MON2: variants seen among roughly 807,000 people sequenced by gnomAD.
The protein encoded by MON2 is MON2 regulator of endosome-to-Golgi trafficking.
Under a neutral mutation model 208.6 loss-of-function variants are expected in MON2, and 84 were observed. The ratio of observed to expected loss-of-function variants is 0.40; its 90% CI spans 0.34 to 0.48. MON2 has a LOEUF of 0.48. Ranked by LOEUF, MON2 falls within the 20% of genes least tolerant of loss-of-function variation. The pLI, the probability that MON2 is intolerant of heterozygous loss-of-function variation, is 0.59. For synonymous variants in MON2, 660 were observed against 694.0 expected, an observed-to-expected ratio of 0.95 and a Z score of 0.77; for missense variants, 1,611 against 2,015.4, an observed-to-expected ratio of 0.80 and a Z score of 3.84.
At chr12:62,573,858 A>G (rs1565701738) in intron 30 of MON2, among the ~76,000 whole-genome samples, 1 of 152,200 alleles carries the variant, frequency 6.6e-6, no homozygotes, top group Non-Finnish European at 1.5e-5. Flanking sequence ...ATAATTTTGT[A>G]TCAATGCAGT....
Position 62,467,228 on chromosome 12 carries a change from C to G in MON2, c.21C>G (p.Pro7=), listed in dbSNP as rs760732298. 6.2e-7 allele frequency: 1 copy of G among 1,613,366 alleles called. No homozygotes were observed. The highest frequency in any genetic ancestry group is 8.5e-7 in the Non-Finnish European group (1 of 1,180,006). ...GGATCATGTCCGGCACCAGCAGCCC[C>G]GAGGCGGTGAAGAAGCTGCTGGAGA... MSGTSS[P]EAVKKLLENM... Residue 7 remains proline, a synonymous_variant, in exon 1 of 35, where the codon CCC becomes CCG. Coordinates refer to ENST00000393630, the MANE Select transcript of MON2 (RefSeq NM_015026.3).
rs2075473150 is a variant in MON2 at position 62,594,243 on chromosome 12, C to A, written c.*1494C>A. ...TAAATTTCAGCTTCTCCAGAATAATCATAAAACTGCAAAAAGATATTATAA... is the reference window on the plus strand; with the variant it reads ...TAAATTTCAGCTTCTCCAGAATAATAATAAAACTGCAAAAAGATATTATAA... On this transcript the variant is annotated 3_prime_UTR_variant, in exon 35 of 35. Transcript: ENST00000393630. 6.6e-6 allele frequency: 1 copy of A among 152,040 alleles called. No homozygotes were observed. Among genetic ancestry groups the A allele is most frequent in the Non-Finnish European group, 1.5e-5 (1 of 67,958 alleles). The allele number at this position is 152,040 out of a possible 1,614,324, so 9.4% of individuals were successfully genotyped here. A position where few individuals can be genotyped will look rare whatever the true frequency, so the allele number is the denominator to read the frequency against.
At chr12:62,583,670 C>T (rs2136469869) in intron 32 of MON2, among the ~76,000 whole-genome samples, 1 of 151,480 alleles carries the variant, frequency 6.6e-6, no homozygotes, top group Middle Eastern at 3.4e-3. Context: ...CATTGGAGGC[C>T]AGGCACAGTG....
chr12:62,480,400 C>CA (rs1456111034), intron 1 of MON2, among the ~76,000 whole-genome samples: 1 of 151,558 alleles, frequency 6.6e-6, no homozygotes, highest in East Asian at 1.9e-4. Context: ...CTCTACAAAA[C>CA]AAAAAACAAA....
chr12:62,471,567 A>G (rs930367451), intron 1 of MON2, among the ~76,000 whole-genome samples: 1 of 152,218 alleles, frequency 6.6e-6, no homozygotes, highest in Non-Finnish European at 1.5e-5. Flanking sequence ...TTGGCACTTA[A>G]GAGGGAAGTC....
At chr12:62,494,908 A>G (rs2070386951) in intron 3 of MON2, 108 bp from the exon 4 acceptor site, 1 of 717,946 alleles carries the variant, frequency 1.4e-6, no homozygotes, top group African/African-American at 1.8e-5. Flanking sequence ...TGTTATTGTG[A>G]TCAAGAAATC....
intron 8 of MON2, among the ~76,000 whole-genome samples, chr12:62,514,180 G>A (rs1161015051): frequency 2.0e-5 from 3 of 152,088 alleles, no homozygotes; most frequent in African/African-American, 7.2e-5. Flanking sequence ...CAGCATTTTG[G>A]TCAAAGCCAT....
chr12:62,549,890 A>G, intron 23 of MON2, 60 bp downstream of exon 23: 3 of 1,135,722 alleles, frequency 2.6e-6, no homozygotes, highest in South Asian at 4.5e-5. Context: ...TTCAGTTGGG[A>G]GTGAATGCTA....
Position 62,484,218 on chromosome 12 carries a change from AC to A in MON2, c.161del (p.Thr54MetfsTer7). The A allele has an allele frequency of 6.2e-7, 1 of 1,600,238 alleles. No homozygotes were observed. The highest frequency in any genetic ancestry group is 8.5e-7 in the Non-Finnish European group (1 of 1,174,218). The part of the protein sequence containing the change: ...IKVKTIAARN[T>X]EILAALKENS... ...AGTTAAAACAATTGCTGCACGAAAC[AC>A]TGAAATTTTGGCAGGTAATTTTTTG... On this transcript the variant is annotated frameshift_variant, in exon 2 of 35. Transcript: ENST00000393630. LOFTEE classifies it high-confidence loss of function.
rs568998940 is a variant in MON2 at position 62,570,946 on chromosome 12, G to A, written c.4324-446G>A. 5.6e-4 allele frequency among the ~76,000 whole-genome samples: 85 copies of A among 151,746 alleles called. 1 individual carries two copies. Among genetic ancestry groups the A allele is most frequent in the Non-Finnish European group, 1.0e-3 (68 of 67,926 alleles). On this transcript the variant is annotated intron_variant, in intron 29 of 34. Coordinates refer to ENST00000393630, the MANE Select transcript of MON2 (RefSeq NM_015026.3). ...GAGGTTTCACCATGTTGGCCCAGAT[G>A]GTCTTGATCTCTTGACCTCGTGATC...
chr12:62,496,429 TA>T (rs2070488653), intron 4 of MON2, among the ~76,000 whole-genome samples: 1 of 152,200 alleles, frequency 6.6e-6, no homozygotes, highest in African/African-American at 2.4e-5. Flanking sequence ...AATTGAGTAA[TA>T]TGAAGGCTTC....
intron 32 of MON2, among the ~76,000 whole-genome samples, chr12:62,585,065 G>GCACACA (rs57834850): frequency 2.7e-4 from 27 of 98,822 alleles, no homozygotes; most frequent in Non-Finnish European, 4.9e-4. Context: ...CTCTCTACAT[G>GCACACA]CACACACACA....
At chr12:62,587,765 G>A (rs769411273) in intron 33 of MON2, 8 of 213,012 alleles carry the variant, frequency 3.8e-5, no homozygotes, top group African/African-American at 1.4e-4. Context: ...AAAATAAAAC[G>A]TTTTAATTTT....
chr12:62,478,351 G>A (rs1202651176), intron 1 of MON2, among the ~76,000 whole-genome samples: 1 of 152,038 alleles, frequency 6.6e-6, no homozygotes, highest in Non-Finnish European at 1.5e-5. Context: ...AGTGTTACAG[G>A]TACAAGCCAT....
intron 25 of MON2, among the ~76,000 whole-genome samples, chr12:62,557,768 G>A (rs931561393): frequency 6.6e-6 from 1 of 150,608 alleles, no homozygotes; most frequent in Non-Finnish European, 1.5e-5. Context: ...GCATGTTAGG[G>A]CTTGGTATAT....
chr12:62,552,489 A>G (rs553039893), intron 23 of MON2, among the ~76,000 whole-genome samples: 55 of 152,282 alleles, frequency 3.6e-4, no homozygotes, highest in Non-Finnish European at 7.1e-4. Context: ...TTATTAAACA[A>G]TATTAAGGAA....
At chr12:62,583,960 C>CAAA (rs1301473051) in intron 32 of MON2, among the ~76,000 whole-genome samples, 6 of 55,956 alleles carry the variant, frequency 1.1e-4, no homozygotes, top group African/African-American at 2.7e-4. Flanking sequence ...GACCCTGTCT[C>CAAA]AAAAAAAAAA....
intron 34 of MON2, chr12:62,588,960 G>T: frequency 1.6e-6 from 2 of 1,244,120 alleles, no homozygotes; most frequent in Non-Finnish European, 2.2e-6. Context: ...TTTTTTATGT[G>T]TACTTGTCTC....
Position 62,538,648 on chromosome 12 carries a change from G to T in MON2, c.2364+143G>T, listed in dbSNP as rs567732614. The T allele has an allele frequency of 2.1e-5, 13 of 609,374 alleles. No homozygotes were observed. In the South Asian group the frequency reaches 2.9e-4, roughly 14 times the overall value. 37.7% of individuals were successfully genotyped at this position (609,374 alleles called of 1,614,324 possible). A position where few individuals can be genotyped will look rare whatever the true frequency, so the allele number is the denominator to read the frequency against. On this transcript the variant is annotated intron_variant, in intron 19 of 34. Coordinates refer to ENST00000393630, the MANE Select transcript of MON2 (RefSeq NM_015026.3). ...CTCTGTTGGGTTTTTACCACTTATC[G>T]TTATTTGTCGAAGGAGTAAAAAGGA... is the stretch of plus-strand genomic sequence containing the variant.
Sources: gnomAD v4.1 joint callset for allele counts (sites outside exome capture counted in the v4.1 genomes callset) on GRCh38, gnomAD v4.1.1 for gene constraint, MANE v1.5 for transcripts, NCBI Gene and HGNC (gene_info 2026-07-23, HGNC 2026-07-21) for gene names.